DNAJC15: variants seen among roughly 807,000 people sequenced by gnomAD.
DNAJC15 encodes DnaJ heat shock protein family (Hsp40) member C15.
DNAJC15 carries 27 observed loss-of-function variants against 22.4 expected under a neutral mutation model. That is an observed-to-expected ratio of 1.20 (90% CI 0.89 to 1.66). DNAJC15 has a LOEUF of 1.66. Ranked by LOEUF, DNAJC15 falls within the 40% of genes most tolerant of loss-of-function variation. DNAJC15 has a pLI of 0.00. For missense variants in DNAJC15, 208 were observed against 187.1 expected, an observed-to-expected ratio of 1.11 and a Z score of -0.65; for synonymous variants, 79 against 63.2, an observed-to-expected ratio of 1.25 and a Z score of -1.19.
intron 5 of DNAJC15, among the ~76,000 whole-genome samples, chr13:43,092,293 C>T (rs753773567): frequency 2.0e-5 from 3 of 151,966 alleles, no homozygotes; most frequent in Non-Finnish European, 2.9e-5. Context: ...ATAGCTGTAC[C>T]ACCTTTCCTT....
intron 5 of DNAJC15, among the ~76,000 whole-genome samples, chr13:43,094,693 G>A (rs1052358163): frequency 2.0e-5 from 3 of 152,134 alleles, no homozygotes; most frequent in Non-Finnish European, 2.9e-5. Context: ...AATCAGCTGT[G>A]TATCAGGCTC....
At chr13:43,029,928 A>G (rs772562272) in intron 1 of DNAJC15, among the ~76,000 whole-genome samples, 3 of 152,192 alleles carry the variant, frequency 2.0e-5, no homozygotes, top group Non-Finnish European at 2.9e-5. Context: ...AATGAAACCA[A>G]CAGGCTTGGA....
chr13:43,078,652 T>C lies in DNAJC15; in HGVS notation c.275T>C (p.Met92Thr), dbSNP rs1403103937. 1 of 1,613,664 alleles carries C rather than the reference T, an allele frequency of 6.2e-7. No homozygotes were observed. The highest frequency in any genetic ancestry group is 1.1e-5 in the South Asian group (1 of 91,044). The part of the protein sequence containing the change: ...SYYKGGFEQK[M>T]SRREAGLILG... ...TATAAAGGAGGATTTGAACAGAAAA[T>C]GAGTAGGCGAGAAGCTGGTCTTATT... The change falls in exon 4 of 6, where the codon ATG becomes ACG. Residue 92 changes from methionine (M) to threonine (T), a missense_variant. Physicochemically the swap from Met to Thr is moderately conservative, Grantham distance 81. Transcript: ENST00000379221.
At chr13:43,038,765 A>C (rs577463454) in intron 1 of DNAJC15, among the ~76,000 whole-genome samples, 2 of 149,736 alleles carry the variant, frequency 1.3e-5, no homozygotes, top group African/African-American at 2.5e-5. Flanking sequence ...GCACTCCAGC[A>C]TGGGCGACAA....
intron 5 of DNAJC15, among the ~76,000 whole-genome samples, chr13:43,090,321 C>G (rs768258874): frequency 3.9e-5 from 6 of 152,204 alleles, no homozygotes; most frequent in Non-Finnish European, 7.3e-5. Flanking sequence ...TGCTTGTGAT[C>G]AGCTGAAACT....
chr13:43,035,688 CTT>C lies in DNAJC15; in HGVS notation c.108+11959_108+11960del, dbSNP rs1337029902. 2.6e-5 allele frequency among the ~76,000 whole-genome samples: 4 copies of C among 152,086 alleles called. No individual in the cohort carries two copies. The East Asian group carries it at 7.7e-4, about 29-fold the overall frequency. On this transcript the variant is annotated intron_variant, in intron 1 of 5. Transcript: ENST00000379221. ...AATTTCTGTATTGATTTGTAAGTAA[CTT>C]TTTTCAAAGTACCAATTTATTTTTT...
At chr13:43,089,138 T>C (rs2040702659) in intron 5 of DNAJC15, among the ~76,000 whole-genome samples, 1 of 152,194 alleles carries the variant, frequency 6.6e-6, no homozygotes, top group Admixed American at 6.5e-5. Flanking sequence ...AAACACTTGG[T>C]AGGTAAAACA....
At chr13:43,068,408 C>G (rs1463107274) in intron 2 of DNAJC15, among the ~76,000 whole-genome samples, 1 of 151,974 alleles carries the variant, frequency 6.6e-6, no homozygotes, top group Non-Finnish European at 1.5e-5. Context: ...AATTAACATC[C>G]TTGGTAAGTA....
intron 1 of DNAJC15, among the ~76,000 whole-genome samples, chr13:43,035,173 T>G (rs1245771542): frequency 1.3e-5 from 2 of 152,170 alleles, no homozygotes; most frequent in Admixed American, 6.5e-5. Context: ...TTGTTTAGTT[T>G]GGGCTTTATT....
chr13:43,045,834 T>A (rs1304062572), intron 1 of DNAJC15, among the ~76,000 whole-genome samples: 1 of 152,236 alleles, frequency 6.6e-6, no homozygotes, highest in African/African-American at 2.4e-5. Flanking sequence ...TTAATTTTTT[T>A]CCATAGCACA....
intron 1 of DNAJC15, among the ~76,000 whole-genome samples, chr13:43,042,858 A>G (rs1220444212): frequency 6.6e-6 from 1 of 152,252 alleles, no homozygotes; most frequent in Non-Finnish European, 1.5e-5. Context: ...CTTTCATGGC[A>G]ACCCCAAAAT....
chr13:43,023,947 A>C (rs1244990712), intron 1 of DNAJC15, among the ~76,000 whole-genome samples: 2 of 152,238 alleles, frequency 1.3e-5, no homozygotes, highest in Non-Finnish European at 2.9e-5. Context: ...CTGTCTCCTC[A>C]AGGAGCTTCC....
chr13:43,068,928 A>T lies in DNAJC15; in HGVS notation c.161-2A>T. 6.2e-7 allele frequency: 1 copy of T among 1,611,628 alleles called. No homozygotes were observed. Among genetic ancestry groups the T allele is most frequent in the Non-Finnish European group, 8.5e-7 (1 of 1,178,874 alleles). ...TTTGCTTTTATTCCCTTTACTATTT[A>T]GGTCGCTACGCATTTCGGATCTGGA... On this transcript the variant is annotated splice_acceptor_variant, in intron 2 of 5. Coordinates refer to ENST00000379221, the MANE Select transcript of DNAJC15 (RefSeq NM_013238.3). LOFTEE classifies it high-confidence loss of function.
At chr13:43,024,637 T>C (rs908332309) in intron 1 of DNAJC15, among the ~76,000 whole-genome samples, 8 of 151,928 alleles carry the variant, frequency 5.3e-5, no homozygotes, top group Admixed American at 6.6e-5. Context: ...AGCCACCGCG[T>C]CCGGCATATT....
rs1351226482 is a variant in DNAJC15 at position 43,108,155 on chromosome 13, T to TA, written c.*910dup. 6.6e-6 allele frequency: 1 copy of TA among 152,484 alleles called. No individual in the cohort carries two copies. The highest frequency in any genetic ancestry group is 1.5e-5 in the Non-Finnish European group (1 of 68,018). The allele number at this position is 152,484 out of a possible 1,614,324, so 9.4% of individuals were successfully genotyped here. On this transcript the variant is annotated 3_prime_UTR_variant, in exon 6 of 6. Coordinates refer to ENST00000379221, the MANE Select transcript of DNAJC15 (RefSeq NM_013238.3). ...AGTTCAAAGGAAGAAAAGAATGTGT[T>TA]AAACACTGCATGAGAGGAGGAATAA...
intron 5 of DNAJC15, among the ~76,000 whole-genome samples, chr13:43,103,530 T>A (rs1431139778): frequency 6.6e-6 from 1 of 152,244 alleles, no homozygotes; most frequent in Non-Finnish European, 1.5e-5. Context: ...ATTTTAATCT[T>A]TGAAGTTTGT....
intron 1 of DNAJC15, among the ~76,000 whole-genome samples, chr13:43,056,232 A>G (rs574116514): frequency 2.0e-4 from 30 of 149,802 alleles, no homozygotes; most frequent in Admixed American, 7.3e-4. Context: ...GCTCACTGCA[A>G]CCTCCACCTC....
chr13:43,066,647 A>G (rs9525731), intron 2 of DNAJC15, among the ~76,000 whole-genome samples: 33,722 of 151,940 alleles, frequency 0.22, 4,484 homozygotes, highest in Non-Finnish European at 0.31. Flanking sequence ...TTTTTTTGAG[A>G]CGGAGTCTTG....
rs1420647363 is a variant in DNAJC15, at chr13:43,113,750, C to T, written c.*6502C>T. On this transcript the variant is annotated 3_prime_UTR_variant, in exon 6 of 6. Coordinates refer to ENST00000379221, the MANE Select transcript of DNAJC15 (RefSeq NM_013238.3). ...AGAGTTGACTGCAGAAGTGTTTACA[C>T]TTTGGCTTCCATGCCTCTGGAATGT... is the stretch of plus-strand genomic sequence containing the variant. 3 of 152,212 alleles carry T rather than the reference C, an allele frequency of 2.0e-5. No homozygotes were observed. The highest frequency in any genetic ancestry group is 4.4e-5 in the Non-Finnish European group (3 of 68,038). The allele number at this position is 152,212 out of a possible 1,614,324, so 9.4% of individuals were successfully genotyped here. A position where few individuals can be genotyped will look rare whatever the true frequency, so the allele number is the denominator to read the frequency against.
Sources: allele counts gnomAD v4.1 joint callset (sites outside exome capture counted in the v4.1 genomes callset), GRCh38; gene constraint gnomAD v4.1.1; transcripts MANE v1.5; gene names NCBI Gene and HGNC (gene_info 2026-07-23, HGNC 2026-07-21).